Variants in PRKCA observed in about 807,000 individuals in gnomAD.
The protein encoded by PRKCA is protein kinase C alpha type.
PRKCA carries 27 observed loss-of-function variants against 87.0 expected under a neutral mutation model. That is an observed-to-expected ratio of 0.31 (90% CI 0.23 to 0.43). The LOEUF (loss-of-function observed/expected upper bound fraction) is 0.43. PRKCA is among the 20% of genes least tolerant of loss of function. PRKCA has a pLI of 1.00. For missense variants in PRKCA, 518 were observed against 852.3 expected (o/e 0.61, Z 4.88); for synonymous variants, 329 against 311.1 (o/e 1.06, Z -0.61).
intron 3 of PRKCA, among the ~76,000 whole-genome samples, chr17:66,608,073 G>C (rs1488145449): frequency 6.6e-6 from 1 of 151,792 alleles, no homozygotes; most frequent in Admixed American, 6.6e-5. Context: ...TCTGTCGTCT[G>C]CTGGTCTTGG....
chr17:66,804,863 G>T lies in PRKCA; in HGVS notation c.*826G>T, dbSNP rs1401338352. On this transcript the variant is annotated 3_prime_UTR_variant, in exon 17 of 17. Coordinates refer to ENST00000413366, the MANE Select transcript of PRKCA (RefSeq NM_002737.3). ...CTGGGAGATTATTTTTCCATCCAGG[G>T]TGCCATCAGTAATCATGCCACTACT... 1 of 277,458 alleles carries T rather than the reference G, an allele frequency of 3.6e-6. No individual in the cohort carries two copies. The highest frequency in any genetic ancestry group is 5.5e-6 in the Non-Finnish European group (1 of 182,792). 17.2% of individuals were successfully genotyped at this position (277,458 alleles called of 1,614,324 possible).
In PRKCA at chr17:66,356,562, T is replaced by G. The variant is rs528232252; in HGVS notation, c.205+50435T>G. 3.3e-5 allele frequency among the ~76,000 whole-genome samples: 5 copies of G among 152,234 alleles called. No individual in the cohort carries two copies. The East Asian group carries it at 9.7e-4, about 30-fold the overall frequency. ...ACGCTTGAACCCAGGAGGCGGAGGT[T>G]GCAGTGAGCTGAGATCGTGCCACTG... is the stretch of plus-strand genomic sequence containing the variant. On this transcript the variant is annotated intron_variant, in intron 2 of 16. Transcript: ENST00000413366.
intron 2 of PRKCA, among the ~76,000 whole-genome samples, chr17:66,324,986 ATAAAG>A (rs1203060980): frequency 2.0e-5 from 3 of 152,318 alleles, no homozygotes; most frequent in African/African-American, 7.2e-5. Context: ...TCCTCTGTGA[ATAAAG>A]AAAAATCCTT....
At chr17:66,332,913 A>C (rs550358327) in intron 2 of PRKCA, among the ~76,000 whole-genome samples, 1 of 152,028 alleles carries the variant, frequency 6.6e-6, no homozygotes, top group African/African-American at 2.4e-5. Context: ...GGATGGTCTC[A>C]ATCTCCTGAC....
chr17:66,318,009 G>A (rs4278784), intron 2 of PRKCA, among the ~76,000 whole-genome samples: 147,435 of 152,316 alleles, frequency 0.97, 71,364 homozygotes, highest in East Asian at 1. Context: ...ATAGTTGGGA[G>A]AAGTTGTACA....
At chr17:66,420,502 T>G (rs1912427001) in intron 2 of PRKCA, among the ~76,000 whole-genome samples, 1 of 152,182 alleles carries the variant, frequency 6.6e-6, no homozygotes, top group Admixed American at 6.5e-5. Flanking sequence ...TTTTTCATTT[T>G]TCAGCACAGC....
At chr17:66,590,754 G>A (rs1358516812) in intron 3 of PRKCA, among the ~76,000 whole-genome samples, 3 of 152,150 alleles carry the variant, frequency 2.0e-5, no homozygotes, top group Non-Finnish European at 4.4e-5. Context: ...GGAGGCTGAG[G>A]CAGGAGAATC....
At chr17:66,448,112 G>T (rs1290369316) in intron 2 of PRKCA, among the ~76,000 whole-genome samples, 1 of 152,156 alleles carries the variant, frequency 6.6e-6, no homozygotes, top group Admixed American at 6.5e-5. Flanking sequence ...GAATAGAATC[G>T]TGGTGAAAGA....
At chr17:66,386,141 C>T (rs1290110780) in intron 2 of PRKCA, among the ~76,000 whole-genome samples, 1 of 152,194 alleles carries the variant, frequency 6.6e-6, no homozygotes, top group Non-Finnish European at 1.5e-5. Flanking sequence ...CTCGTTGTGT[C>T]GTTTAAGAAC....
intron 2 of PRKCA, among the ~76,000 whole-genome samples, chr17:66,314,721 G>C (rs74610126): frequency 0.014 from 2,132 of 152,288 alleles, 52 homozygotes; most frequent in African/African-American, 0.049. Context: ...AGTTTGAGGG[G>C]ATGGGTCAAT....
intron 8 of PRKCA, among the ~76,000 whole-genome samples, chr17:66,718,091 C>A (rs1476820759): frequency 6.6e-6 from 1 of 152,158 alleles, no homozygotes; most frequent in Non-Finnish European, 1.5e-5. Context: ...AATTAGCTCC[C>A]CTTCTGTCTT....
chr17:66,598,164 A>C (rs1970021601), intron 3 of PRKCA, among the ~76,000 whole-genome samples: 1 of 4,044 alleles, frequency 2.5e-4, no homozygotes, highest in Middle Eastern at 0.05. Context: ...TCTGTAAATT[A>C]CCTTGGGCAG....
chr17:66,500,110 G>A (rs941487378), intron 3 of PRKCA, among the ~76,000 whole-genome samples: 2 of 152,102 alleles, frequency 1.3e-5, no homozygotes, highest in African/African-American at 2.4e-5. Context: ...TCCCCTTTTA[G>A]CCCTTCTGTC....
intron 4 of PRKCA, 47 bp downstream of exon 4, chr17:66,641,513 T>C (rs760399795): frequency 1.4e-6 from 2 of 1,422,200 alleles, no homozygotes; most frequent in Admixed American, 1.8e-5. Context: ...CTGTAGCTCA[T>C]GCTCAGGGTT....
At chr17:66,384,429 A>G (rs1310317896) in intron 2 of PRKCA, among the ~76,000 whole-genome samples, 2 of 152,236 alleles carry the variant, frequency 1.3e-5, no homozygotes, top group African/African-American at 2.4e-5. Context: ...AGAATTACAA[A>G]TATGAAAAGC....
intron 8 of PRKCA, among the ~76,000 whole-genome samples, chr17:66,720,619 A>G (rs1216034747): frequency 6.6e-6 from 1 of 152,222 alleles, no homozygotes; most frequent in Non-Finnish European, 1.5e-5. Flanking sequence ...TTGGTTATAT[A>G]TGGCATGGCT....
chr17:66,714,693 G>A (rs749947457), intron 8 of PRKCA, among the ~76,000 whole-genome samples: 4 of 152,226 alleles, frequency 2.6e-5, no homozygotes, highest in Non-Finnish European at 5.9e-5. Flanking sequence ...CCTGCAGGAC[G>A]AGAAAGGGAG....
chr17:66,772,087 A>T (rs1016381044), intron 13 of PRKCA, among the ~76,000 whole-genome samples: 1 of 152,156 alleles, frequency 6.6e-6, no homozygotes, highest in Admixed American at 6.5e-5. Context: ...GCAATTTACC[A>T]TTGTATCAAA....
chr17:66,483,465 T>C (rs989004385), intron 2 of PRKCA, among the ~76,000 whole-genome samples: 1 of 151,714 alleles, frequency 6.6e-6, no homozygotes, highest in African/African-American at 2.4e-5. Flanking sequence ...TATTTTATTT[T>C]ATTTTATTTT....
Sources: gnomAD v4.1 joint callset for allele counts (sites outside exome capture counted in the v4.1 genomes callset) on GRCh38, gnomAD v4.1.1 for gene constraint, MANE v1.5 for transcripts, NCBI Gene and HGNC (gene_info 2026-07-23, HGNC 2026-07-21) for gene names.